The following DPY19L3 variants were observed in gnomAD, a reference collection of about 807,000 sequenced individuals.
DPY19L3 encodes the protein dpy-19 like C-mannosyltransferase 3, also known as protein C-mannosyl-transferase DPY19L3.
A neutral mutation model predicts 92.3 loss-of-function variants in DPY19L3; 51 were observed. That is an observed-to-expected ratio of 0.55 (90% CI 0.44 to 0.70). The LOEUF (loss-of-function observed/expected upper bound fraction) is 0.70, where lower values mean the gene tolerates loss of function less well. DPY19L3 is among the 30% of genes least tolerant of loss of function. The pLI, the probability that DPY19L3 is intolerant of heterozygous loss-of-function variation, is 0.00. For missense variants in DPY19L3, 706 were observed against 855.9 expected, an observed-to-expected ratio of 0.82 and a Z score of 2.18; for synonymous variants, 309 against 315.2, an observed-to-expected ratio of 0.98 and a Z score of 0.21.
At chr19:32,456,348 C>T (rs989376628) in intron 10 of DPY19L3, among the ~76,000 whole-genome samples, 5 of 151,746 alleles carry the variant, frequency 3.3e-5, no homozygotes, top group South Asian at 2.1e-4. Context: ...GGATTGTAGG[C>T]GTGAACCACC....
At chr19:32,463,303 T>A (rs1401353810) in intron 12 of DPY19L3, 63 bp from the exon 13 acceptor site, 1 of 1,566,450 alleles carries the variant, frequency 6.4e-7, no homozygotes, top group Admixed American at 1.8e-5. Context: ...TCTTCTTCTT[T>A]TACAAAGATC....
At chr19:32,467,451 A>G (rs1195255572) in intron 15 of DPY19L3, 4 of 987,300 alleles carry the variant, frequency 4.1e-6, no homozygotes, top group Non-Finnish European at 4.8e-6. Flanking sequence ...AGTAATTTTT[A>G]CTACATCTCT....
intron 3 of DPY19L3, among the ~76,000 whole-genome samples, chr19:32,418,894 A>G (rs1968466580): frequency 6.6e-6 from 1 of 152,130 alleles, no homozygotes; most frequent in Non-Finnish European, 1.5e-5. Flanking sequence ...TATTGTTTGT[A>G]TATGAAAAGT....
intron 16 of DPY19L3, among the ~76,000 whole-genome samples, chr19:32,470,221 C>T (rs757884560): frequency 6.6e-6 from 1 of 152,228 alleles, no homozygotes; most frequent in African/African-American, 2.4e-5. Flanking sequence ...TCATGCCAGA[C>T]GATTACAGAG....
Position 32,485,211 on chromosome 19 carries a change from C to T in DPY19L3, c.*2971C>T, listed in dbSNP as rs1215684116. 1.3e-5 allele frequency: 2 copies of T among 152,200 alleles called. No homozygotes were observed. Among genetic ancestry groups the T allele is most frequent in the Non-Finnish European group, 2.9e-5 (2 of 68,042 alleles). 9.4% of individuals were successfully genotyped at this position (152,200 alleles called of 1,614,324 possible). A position where few individuals can be genotyped will look rare whatever the true frequency, so the allele number is the denominator to read the frequency against. ...TAAATGACCAACTACTGATACTGAT[C>T]ACAATAGTTATTAGAGATTCTAATT... is the stretch of plus-strand genomic sequence containing the variant. On this transcript the variant is annotated 3_prime_UTR_variant, in exon 19 of 19. Transcript: ENST00000392250.
In DPY19L3 at chr19:32,458,122, A is replaced by G; in HGVS notation, c.1112A>G (p.Asp371Gly). 1 of 1,613,792 alleles carries G rather than the reference A, an allele frequency of 6.2e-7. No homozygotes were observed. Among genetic ancestry groups the G allele is most frequent in the Non-Finnish European group, 8.5e-7 (1 of 1,179,894 alleles). ...TAGAAAATTCTTAACCTGAAGTCAG[A>G]TGAACACATATTTAAATTTCTGAAG... is the stretch of plus-strand genomic sequence containing the variant. ...IIKKILNLKS[D>G]EHIFKFLKAK... Residue 371 changes from aspartate (D) to glycine (G), a missense_variant, in exon 11 of 19, where the codon GAT (aspartate) becomes GGT (glycine). Coordinates refer to ENST00000392250, the MANE Select transcript of DPY19L3 (RefSeq NM_001172774.2).
chr19:32,463,536 A>G lies in DPY19L3; in HGVS notation c.1445+48A>G, dbSNP rs747583547. On this transcript the variant is annotated intron_variant, in intron 13 of 18. Transcript: ENST00000392250. ...TTTACTTTTTATTTGATCACTCTTG[A>G]TGTTACTTAGCAATATAATTTGGAA... 8.9e-6 allele frequency: 14 copies of G among 1,577,842 alleles called. No homozygotes were observed. The South Asian group carries it at 1.6e-4, about 18-fold the overall frequency.
chr19:32,449,032 C>G (rs1969610436), intron 8 of DPY19L3, among the ~76,000 whole-genome samples: 1 of 152,054 alleles, frequency 6.6e-6, no homozygotes, highest in Non-Finnish European at 1.5e-5. Context: ...AAAACACCCA[C>G]AAATAAAGGC....
At chr19:32,432,028 C>T (rs73567545) in intron 3 of DPY19L3, among the ~76,000 whole-genome samples, 5,923 of 152,220 alleles carry the variant, frequency 0.039, 365 homozygotes, top group African/African-American at 0.14. Context: ...GCTGCTCAAC[C>T]TATAAATAAA....
chr19:32,468,658 T>A (rs1970265333), intron 15 of DPY19L3, 73 bp from the exon 16 acceptor site: 1 of 1,573,344 alleles, frequency 6.4e-7, no homozygotes, highest in Non-Finnish European at 8.6e-7. Flanking sequence ...TATCTTTTTT[T>A]CATTTAATCT....
chr19:32,407,600 A>C (rs1257268592), intron 1 of DPY19L3, among the ~76,000 whole-genome samples: 1 of 152,114 alleles, frequency 6.6e-6, no homozygotes, highest in Non-Finnish European at 1.5e-5. Flanking sequence ...AGGGAGGGAG[A>C]AGATCAGCCG....
At chr19:32,428,821 GTT>G (rs144012951) in intron 3 of DPY19L3, among the ~76,000 whole-genome samples, 1 of 146,308 alleles carries the variant, frequency 6.8e-6, no homozygotes, top group African/African-American at 2.5e-5. Context: ...TAGCTGTACA[GTT>G]TTTTTTTTGT....
intron 3 of DPY19L3, among the ~76,000 whole-genome samples, chr19:32,431,436 G>GTTTGT (rs989547800): frequency 1.3e-5 from 2 of 151,874 alleles, no homozygotes; most frequent in African/African-American, 4.8e-5. Flanking sequence ...TTAGGACATG[G>GTTTGT]TTTGTTTTGT....
In DPY19L3 at chr19:32,466,403, A is replaced by G. The variant is rs1281064032; in HGVS notation, c.1614+1619A>G. On this transcript the variant is annotated intron_variant, in intron 15 of 18. Coordinates refer to ENST00000392250, the MANE Select transcript of DPY19L3 (RefSeq NM_001172774.2). The stretch of plus-strand genomic sequence containing the variant: ...AAGAACCCCCTGCTGTAGCGGTCAC[A>G]GGGTTTCTCAGCAGTGGCACATTGA... Among the ~76,000 whole-genome samples the G allele has an allele frequency of 2.0e-5, 3 of 152,182 alleles. No homozygotes were observed. In the East Asian group the frequency reaches 5.8e-4, roughly 29 times the overall value.
At position 32,458,479 on chromosome 19, in the gene DPY19L3, T is replaced by C; in HGVS notation, c.1292T>C (p.Val431Ala). Residue 431 changes from valine to alanine, a missense_variant, in exon 12 of 19, where the codon GTA (valine) becomes GCA (alanine). Val to Ala is a moderately conservative substitution (Grantham distance 64, BLOSUM62 0). Coordinates refer to ENST00000392250, the MANE Select transcript of DPY19L3 (RefSeq NM_001172774.2). Reference protein sequence around the residue: ...YIFVLSITVIVAFVVAFHNLS... With the variant: ...YIFVLSITVIAAFVVAFHNLS... ...TTCGTTCTGTCCATCACAGTGATTG[T>C]AGCATTCGTTGTTGCCTTTCATAAT... 6.2e-7 allele frequency: 1 copy of C among 1,612,388 alleles called. No homozygotes were observed. Among genetic ancestry groups the C allele is most frequent in the Non-Finnish European group, 8.5e-7 (1 of 1,179,692 alleles).
intron 18 of DPY19L3, 136 bp from the exon 19 acceptor site, chr19:32,481,943 G>C: frequency 1.0e-6 from 1 of 959,780 alleles, no homozygotes; most frequent in East Asian, 2.6e-5. Flanking sequence ...ATCTCCAGGT[G>C]CCCATGGACA....
chr19:32,472,799 G>C (rs999177441), intron 16 of DPY19L3, among the ~76,000 whole-genome samples: 2 of 152,152 alleles, frequency 1.3e-5, no homozygotes, highest in Admixed American at 6.5e-5. Flanking sequence ...CACTTTAGGA[G>C]ATTTTCACTG....
At chr19:32,445,440 C>CAAAAAAA (rs71336904) in intron 8 of DPY19L3, among the ~76,000 whole-genome samples, 9,460 of 42,678 alleles carry the variant, frequency 0.22, 2,731 homozygotes, top group African/African-American at 0.26. Flanking sequence ...GACTTCATCT[C>CAAAAAAA]AAAAAAAAAA....
chr19:32,473,041 A>G (rs372090519), intron 16 of DPY19L3, among the ~76,000 whole-genome samples: 33 of 152,276 alleles, frequency 2.2e-4, no homozygotes, highest in Middle Eastern at 6.8e-3. Context: ...AGATAAAGCA[A>G]ATGTTCACAC....
Sources: gnomAD v4.1 joint callset for allele counts (sites outside exome capture counted in the v4.1 genomes callset) on GRCh38, gnomAD v4.1.1 for gene constraint, MANE v1.5 for transcripts, NCBI Gene and HGNC (gene_info 2026-07-23, HGNC 2026-07-21) for gene names.